TLK1: variants seen among roughly 807,000 people sequenced by gnomAD.
TLK1 encodes serine/threonine-protein kinase tousled-like 1.
TLK1 carries 24 observed loss-of-function variants against 105.3 expected under a neutral mutation model. The observed-to-expected ratio is 0.23, with a 90% CI of 0.17 to 0.32. The LOEUF is 0.32. TLK1 is among the 10% of genes least tolerant of loss of function. The pLI, the probability that TLK1 is intolerant of heterozygous loss-of-function variation, is 1.00. For missense variants in TLK1, 558 were observed against 910.5 expected, an observed-to-expected ratio of 0.61 and a Z score of 4.98; for synonymous variants, 321 against 310.4, an observed-to-expected ratio of 1.03 and a Z score of -0.36.
rs139636733 is a variant in TLK1, at chr2:171,169,815, T to C, written c.-5-51958A>G. Among the ~76,000 whole-genome samples the C allele has an allele frequency of 3.6e-3, 543 of 152,312 alleles. 6 individuals are homozygous for C. Among genetic ancestry groups the C allele is most frequent in the African/African-American group, 0.012 (500 of 41,572 alleles). On this transcript the variant is annotated intron_variant, in intron 1 of 20. Transcript: ENST00000521943. ...GCTAGAAGAAAAACAAAACGTTTGG[T>C]GCCTTCTTTTCCGCAGATAGTTAAA... is the stretch of plus-strand genomic sequence containing the variant.
chr2:170,996,645 T>G lies in TLK1; in HGVS notation c.2124+8A>C. 1 of 1,603,076 alleles carries G rather than the reference T, an allele frequency of 6.2e-7. No homozygotes were observed. The highest frequency in any genetic ancestry group is 1.1e-5 in the South Asian group (1 of 88,492). ...ACTTCACAAAACTCATTTACAAAAATTTAATACCTTGGCTTCACTGCTTAC... is the reference window on the plus strand; with the variant it reads ...ACTTCACAAAACTCATTTACAAAAAGTTAATACCTTGGCTTCACTGCTTAC... On this transcript the variant is annotated splice_region_variant and intron_variant, in intron 20 of 20. Coordinates refer to ENST00000431350, the MANE Select transcript of TLK1 (RefSeq NM_012290.5).
rs1320326866 is a variant in TLK1 at position 171,072,928 on chromosome 2, C to CG, written c.330+9852dup. Among the ~76,000 whole-genome samples, 16 of 61,268 alleles carry CG rather than the reference C, an allele frequency of 2.6e-4. No homozygotes were observed. The East Asian group carries it at 6.9e-3, about 26-fold the overall frequency. 40.2% of individuals were successfully genotyped at this position (61,268 alleles called of 152,430 possible). A position where few individuals can be genotyped will look rare whatever the true frequency, so the allele number is the denominator to read the frequency against. ...TGGGCAACAGAGCAAGACTCTGTCTCGAAAAAAAAAAAAAAAAAGATTAAT... is the reference window on the plus strand; with the variant it reads ...TGGGCAACAGAGCAAGACTCTGTCTCGGAAAAAAAAAAAAAAAAAGATTAAT... On this transcript the variant is annotated intron_variant, in intron 3 of 20. Coordinates refer to ENST00000431350, the MANE Select transcript of TLK1 (RefSeq NM_012290.5).
intron 18 of TLK1, among the ~76,000 whole-genome samples, chr2:171,000,541 C>T (rs376820316): frequency 2.0e-5 from 3 of 151,790 alleles, no homozygotes; most frequent in African/African-American, 4.8e-5. Context: ...TAAGAAAAAT[C>T]GTAAGAGAAA....
intron 3 of TLK1, among the ~76,000 whole-genome samples, chr2:171,071,574 AC>A (rs1463796016): frequency 6.6e-6 from 1 of 152,174 alleles, no homozygotes; most frequent in African/African-American, 2.4e-5. Flanking sequence ...GGTGTGAGCC[AC>A]CACGCCTGAC....
intron 18 of TLK1, among the ~76,000 whole-genome samples, chr2:171,001,615 T>G (rs75934673): frequency 0.01 from 1,527 of 152,174 alleles, 22 homozygotes; most frequent in African/African-American, 0.033. Flanking sequence ...AACAGTAGAG[T>G]TACCCTGTCC....
chr2:171,012,989 T>C (rs1684992823), intron 13 of TLK1, among the ~76,000 whole-genome samples: 1 of 150,356 alleles, frequency 6.7e-6, no homozygotes, highest in Non-Finnish European at 1.5e-5. Flanking sequence ...CTTAAATTAG[T>C]TTTGTACCAT....
chr2:171,018,608 C>A (rs888228118), intron 12 of TLK1, among the ~76,000 whole-genome samples: 2 of 152,168 alleles, frequency 1.3e-5, no homozygotes, highest in Non-Finnish European at 2.9e-5. Context: ...TAACTAGGCT[C>A]ACAATTGATC....
intron 1 of TLK1, among the ~76,000 whole-genome samples, chr2:171,200,289 C>A (rs1050874838): frequency 6.6e-6 from 1 of 151,962 alleles, no homozygotes; most frequent in Admixed American, 6.6e-5. Context: ...GTTTTTTCTA[C>A]CCCCCCATCC....
chr2:171,046,036 T>C, intron 11 of TLK1, 138 bp downstream of exon 11: 1 of 714,856 alleles, frequency 1.4e-6, no homozygotes. Context: ...AATTTAGAGC[T>C]AAATTTTCAA....
At chr2:171,051,474 T>C (rs1223606877) in intron 8 of TLK1, among the ~76,000 whole-genome samples, 1 of 152,012 alleles carries the variant, frequency 6.6e-6, no homozygotes, top group African/African-American at 2.4e-5. Flanking sequence ...GCTCCCATCC[T>C]CCCTCCTGTT....
At chr2:171,142,432 A>T (rs1331159608) in intron 1 of TLK1, among the ~76,000 whole-genome samples, 1 of 152,252 alleles carries the variant, frequency 6.6e-6, no homozygotes, top group Non-Finnish European at 1.5e-5. Context: ...GAAAGAATGG[A>T]AAAAGCTGTA....
chr2:171,130,957 A>C (rs545332678), intron 1 of TLK1, among the ~76,000 whole-genome samples: 3 of 152,294 alleles, frequency 2.0e-5, no homozygotes, highest in African/African-American at 7.2e-5. Context: ...ATATTTCCAA[A>C]GACCAAATCA....
rs114770176 is a variant in TLK1, at chr2:171,101,721, T to A, written c.258+16018A>T. On this transcript the variant is annotated intron_variant, in intron 2 of 20. Transcript: ENST00000431350. ...AAGCTCAACAAAGTACAGTATATAA[T>A]CATTCATGCAAACACTCATATAGTA... is the stretch of plus-strand genomic sequence containing the variant. 3.4e-3 allele frequency among the ~76,000 whole-genome samples: 513 copies of A among 152,274 alleles called. 4 individuals are homozygous for A. The highest frequency in any genetic ancestry group is 0.011 in the African/African-American group (458 of 41,558).
chr2:171,182,544 G>A (rs2105308396), intron 1 of TLK1, among the ~76,000 whole-genome samples: 1 of 152,240 alleles, frequency 6.6e-6, no homozygotes. Context: ...AAATACTGAA[G>A]AACTATTTCA....
rs576742482 is a variant in TLK1 at position 171,127,054 on chromosome 2, T to C, written c.140-9197A>G. ...ACTTTGGGAGGCTGAGGTGAGTGGA[T>C]CACCTGAGGTCAGGAGATCAAGACC... On this transcript the variant is annotated intron_variant, in intron 1 of 20. Coordinates refer to ENST00000431350, the MANE Select transcript of TLK1 (RefSeq NM_012290.5). 5.3e-5 allele frequency among the ~76,000 whole-genome samples: 8 copies of C among 152,098 alleles called. No homozygotes were observed. In the East Asian group the frequency reaches 1.4e-3, roughly 26 times the overall value.
intron 1 of TLK1, among the ~76,000 whole-genome samples, chr2:171,205,347 G>A (rs984502036): frequency 2.0e-5 from 3 of 151,254 alleles, no homozygotes; most frequent in African/African-American, 7.3e-5. Context: ...TCCCCCAACA[G>A]GGTCTTGCTC....
intron 1 of TLK1, among the ~76,000 whole-genome samples, chr2:171,145,488 G>C (rs1283371919): frequency 6.6e-6 from 1 of 151,928 alleles, no homozygotes; most frequent in Non-Finnish European, 1.5e-5. Flanking sequence ...TACTCGGGAG[G>C]CTGAGGCAGG....
At chr2:171,086,259 A>G (rs1380243246) in intron 2 of TLK1, among the ~76,000 whole-genome samples, 1 of 151,084 alleles carries the variant, frequency 6.6e-6, no homozygotes, top group African/African-American at 2.5e-5. Context: ...TAAATCCTGG[A>G]AAAAAAGGAT....
upstream of TLK1, among the ~76,000 whole-genome samples, chr2:171,164,945 ACC>A: frequency 6.6e-6 from 1 of 152,140 alleles, no homozygotes; most frequent in South Asian, 2.1e-4. Context: ...ACAGAGTGAG[ACC>A]CCACCTCTAT....
Sources: allele counts gnomAD v4.1 joint callset (sites outside exome capture counted in the v4.1 genomes callset), GRCh38; gene constraint gnomAD v4.1.1; transcripts MANE v1.5; gene names NCBI Gene and HGNC (gene_info 2026-07-23, HGNC 2026-07-21).